FNBP1: variants seen among roughly 807,000 people sequenced by gnomAD.
FNBP1 encodes formin binding protein 1, also known as formin-binding protein 1.
A neutral mutation model predicts 90.6 loss-of-function variants in FNBP1; 26 were observed. The ratio of observed to expected loss-of-function variants is 0.29; its 90% CI spans 0.21 to 0.40. The LOEUF is 0.40. FNBP1 is among the 10% of genes least tolerant of loss of function. FNBP1 has a pLI of 1.00. For missense variants in FNBP1, 635 were observed against 768.0 expected (o/e 0.83, Z 2.05); for synonymous variants, 260 against 265.2 (o/e 0.98, Z 0.19).
chr9:129,956,491 C>T (rs141018055), intron 6 of FNBP1, among the ~76,000 whole-genome samples: 35 of 152,232 alleles, frequency 2.3e-4, no homozygotes, highest in African/African-American at 7.0e-4. Flanking sequence ...AGGGAAAAAA[C>T]GCATATTGAG....
At chr9:130,043,638 A>T (rs887115467), upstream of FNBP1, among the ~76,000 whole-genome samples, 8 of 152,214 alleles carry the variant, frequency 5.3e-5, no homozygotes, top group African/African-American at 1.9e-4. Flanking sequence ...GAAGCCCGAG[A>T]GTCCCGCAGG....
At chr9:129,895,816 T>G in intron 16 of FNBP1, 22 bp downstream of exon 16, 1 of 1,528,796 alleles carries the variant, frequency 6.5e-7, no homozygotes, top group Admixed American at 2.3e-5. Context: ...TTTTTTATGG[T>G]ATTAAATATA....
At chr9:129,993,584 G>C (rs2053541085) in intron 2 of FNBP1, among the ~76,000 whole-genome samples, 1 of 149,080 alleles carries the variant, frequency 6.7e-6, no homozygotes, top group Non-Finnish European at 1.5e-5. Context: ...CCAAAGTGCT[G>C]GGATTGCAGG....
chr9:130,038,140 G>A (rs1008223715), intron 1 of FNBP1, among the ~76,000 whole-genome samples: 4 of 151,922 alleles, frequency 2.6e-5, no homozygotes, highest in African/African-American at 9.7e-5. Flanking sequence ...AGATCACGAG[G>A]TCAGGAAATC....
At chr9:129,913,064 T>C (rs1480535922) in intron 11 of FNBP1, among the ~76,000 whole-genome samples, 1 of 151,564 alleles carries the variant, frequency 6.6e-6, no homozygotes, top group Non-Finnish European at 1.5e-5. Context: ...AAAAATTAGC[T>C]AGGCATGATG....
chr9:129,926,174 G>T (rs1195941184), intron 8 of FNBP1, among the ~76,000 whole-genome samples: 1 of 151,996 alleles, frequency 6.6e-6, no homozygotes, highest in Non-Finnish European at 1.5e-5. Flanking sequence ...GTTTCACCAT[G>T]TTGGCCAGGC....
rs1310020647 is a variant in FNBP1 at position 130,031,306 on chromosome 9, A to T, written c.24+11646T>A. On this transcript the variant is annotated intron_variant, in intron 1 of 16. Transcript: ENST00000446176. This position sits in a 1 kb window ranked among gnomAD's most constrained non-coding sequence, Gnocchi z 4.2. ...CACACTGAAAACTGGCACCATAGGT[A>T]CCTGCTTTCAGCAGTTCAAGGGTAT... 6.6e-6 allele frequency among the ~76,000 whole-genome samples: 1 copy of T among 152,272 alleles called. No individual in the cohort carries two copies. Among genetic ancestry groups the T allele is most frequent in the Non-Finnish European group, 1.5e-5 (1 of 68,056 alleles).
intron 4 of FNBP1, among the ~76,000 whole-genome samples, chr9:129,975,914 A>AAG (rs968289311): frequency 4.0e-5 from 6 of 150,830 alleles, no homozygotes; most frequent in Admixed American, 3.3e-4. Context: ...AAAAAAAAAA[A>AAG]AAAAAAAAAA....
At chr9:129,953,335 C>CA (rs1383991323) in intron 6 of FNBP1, among the ~76,000 whole-genome samples, 1 of 151,758 alleles carries the variant, frequency 6.6e-6, no homozygotes, top group East Asian at 1.9e-4. Context: ...AAAATACACA[C>CA]AAAAAATTAT....
intron 11 of FNBP1, among the ~76,000 whole-genome samples, chr9:129,912,303 G>A (rs938047994): frequency 6.6e-6 from 1 of 152,138 alleles, no homozygotes; most frequent in Non-Finnish European, 1.5e-5. Context: ...AACGGTTTGA[G>A]TTTTATCAAA....
intron 4 of FNBP1, among the ~76,000 whole-genome samples, chr9:129,967,897 G>A (rs1020777110): frequency 6.6e-6 from 1 of 151,922 alleles, no homozygotes; most frequent in African/African-American, 2.4e-5. Context: ...ATTGGGGGGT[G>A]GATCTCACTA....
At chr9:129,910,941 CTCTAAA>C (rs1206599431) in intron 11 of FNBP1, among the ~76,000 whole-genome samples, 1 of 152,068 alleles carries the variant, frequency 6.6e-6, no homozygotes, top group East Asian at 1.9e-4. Flanking sequence ...AGAAGTTTGA[CTCTAAA>C]TCTAAGATGA....
intron 1 of FNBP1, among the ~76,000 whole-genome samples, chr9:130,036,698 C>T (rs1326873584): frequency 1.3e-5 from 2 of 152,164 alleles, no homozygotes; most frequent in East Asian, 3.8e-4. Flanking sequence ...GTATTATCTC[C>T]CCTGTTGGTC....
chr9:129,955,835 GCACA>G (rs57433578), intron 6 of FNBP1, among the ~76,000 whole-genome samples: 217 of 140,714 alleles, frequency 1.5e-3, no homozygotes, highest in Non-Finnish European at 2.9e-3. Flanking sequence ...CTTTTAGCGC[GCACA>G]CACACACACA....
intron 4 of FNBP1, among the ~76,000 whole-genome samples, chr9:129,974,017 T>A (rs1388868469): frequency 6.6e-6 from 1 of 151,424 alleles, no homozygotes; most frequent in Non-Finnish European, 1.5e-5. Flanking sequence ...AGAGAAGGGG[T>A]TTCATCACGT....
chr9:129,920,679 C>A (rs1347860832), intron 10 of FNBP1, among the ~76,000 whole-genome samples: 1 of 152,090 alleles, frequency 6.6e-6, no homozygotes, highest in East Asian at 1.9e-4. Flanking sequence ...TAGAGAATAT[C>A]ATGAACCACA....
At chr9:129,902,640 C>T (rs1468122261) in intron 13 of FNBP1, among the ~76,000 whole-genome samples, 2 of 152,108 alleles carry the variant, frequency 1.3e-5, no homozygotes, top group African/African-American at 4.8e-5. Flanking sequence ...ACAGATACAA[C>T]ATTAAACATT....
intron 4 of FNBP1, among the ~76,000 whole-genome samples, chr9:129,973,718 T>C (rs2049857434): frequency 6.6e-6 from 1 of 151,266 alleles, no homozygotes; most frequent in African/African-American, 2.4e-5. Flanking sequence ...TTGGCCAGGA[T>C]GGTCTCGATC....
At chr9:129,913,887 GT>G (rs10718855) in intron 11 of FNBP1, among the ~76,000 whole-genome samples, 119,166 of 148,856 alleles carry the variant, frequency 0.8, 47,912 homozygotes, top group East Asian at 0.9. Context: ...TTGTTTTATA[GT>G]TTTTTTTTTT....
Sources: gnomAD v4.1 joint callset for allele counts (sites outside exome capture counted in the v4.1 genomes callset) on GRCh38, gnomAD v4.1.1 for gene constraint, Gnocchi (gnomAD v3.1) non-coding constraint, MANE v1.5 for transcripts, NCBI Gene and HGNC (gene_info 2026-07-23, HGNC 2026-07-21) for gene names.